IQSEC3: variants seen among roughly 807,000 people sequenced by gnomAD.
The protein encoded by IQSEC3 is IQ motif and Sec7 domain ArfGEF 3.
A neutral mutation model predicts 105.4 loss-of-function variants in IQSEC3; 50 were observed. The ratio of observed to expected loss-of-function variants is 0.47; its 90% CI spans 0.38 to 0.60. The LOEUF (loss-of-function observed/expected upper bound fraction) is 0.60, where lower values mean the gene tolerates loss of function less well. Among genes scored for constraint, IQSEC3 ranks in the 20% least tolerant of loss-of-function variants. The pLI is 0.00. For missense variants in IQSEC3, 1,415 were observed against 1,630.0 expected (o/e 0.87, Z 2.27); for synonymous variants, 708 against 746.0 (o/e 0.95, Z 0.83).
intron 2 of IQSEC3, among the ~76,000 whole-genome samples, chr12:120,599 A>C (rs1565410195): frequency 6.6e-6 from 1 of 152,218 alleles, no homozygotes; most frequent in Non-Finnish European, 1.5e-5. Flanking sequence ...ACCTCTAAGC[A>C]TAAGCCAGCT....
At chr12:112,084 GT>G (rs1203521244) in intron 2 of IQSEC3, among the ~76,000 whole-genome samples, 2 of 152,128 alleles carry the variant, frequency 1.3e-5, no homozygotes, top group East Asian at 1.9e-4. Flanking sequence ...GCTGTAGGTG[GT>G]TTTTTAGGGT....
chr12:113,635 G>A (rs782374359), intron 2 of IQSEC3, among the ~76,000 whole-genome samples: 2 of 152,186 alleles, frequency 1.3e-5, no homozygotes, highest in African/African-American at 2.4e-5. Flanking sequence ...CTCAGGAATC[G>A]AGGGAACTGA....
chr12:113,006 G>A (rs569922142), intron 2 of IQSEC3, among the ~76,000 whole-genome samples: 4 of 152,044 alleles, frequency 2.6e-5, no homozygotes, highest in African/African-American at 7.2e-5. Flanking sequence ...GCAGAGGATC[G>A]CCTCTCATTG....
In IQSEC3 at chr12:67,285, C is replaced by T. The variant is rs201674330; in HGVS notation, c.403C>T (p.Pro135Ser). The T allele has an allele frequency of 7.1e-5, 113 of 1,597,880 alleles. No individual in the cohort carries two copies. The Middle Eastern group carries it at 1.3e-3, about 18-fold the overall frequency. ...GGGCCCTGGCAGCAGGGCTCACACA[C>T]CCCAGTCGCCCCACAAGCATCTGGG... ...QRGPGSRAHT[P>S]QSPHKHLGTQ... is the part of the protein sequence containing the mutation. The change falls in exon 1 of 14, where the codon CCC becomes TCC. Residue 135 changes from proline to serine, a missense_variant. By Grantham distance (74) the Pro-to-Ser change is moderately conservative. Around this residue, in one of 6 missense-constraint regions of IQSEC3, gnomAD observed 26 missense variants for 108.1 expected, o/e 0.24. Transcript: ENST00000538872.
intron 5 of IQSEC3, among the ~76,000 whole-genome samples, chr12:153,952 G>A (rs1866595193): frequency 6.6e-6 from 1 of 152,156 alleles, no homozygotes; most frequent in African/African-American, 2.4e-5. Flanking sequence ...CTGGGTCTGG[G>A]GTGGGGTCCA....
chr12:175,083 C>CCCCCAG lies in IQSEC3; in HGVS notation c.*50_*51insCCCCAG. 1 of 1,384,564 alleles carries CCCCCAG rather than the reference C, an allele frequency of 7.2e-7. No individual in the cohort carries two copies. The highest frequency in any genetic ancestry group is 9.6e-7 in the Non-Finnish European group (1 of 1,042,606). 85.8% of individuals were successfully genotyped at this position (1,384,564 alleles called of 1,614,324 possible). A position where few individuals can be genotyped will look rare whatever the true frequency, so the allele number is the denominator to read the frequency against. ...CTGGGAGGGCTGGCCACTGGGGGGC[C>CCCCCAG]TGGGCTGCCCCTCCACTGCTCCCCA... On this transcript the variant is annotated 3_prime_UTR_variant, in exon 14 of 14. Coordinates refer to ENST00000538872, the MANE Select transcript of IQSEC3 (RefSeq NM_001170738.2).
At chr12:75,943 G>C (rs1171016930) in intron 1 of IQSEC3, among the ~76,000 whole-genome samples, 1 of 152,228 alleles carries the variant, frequency 6.6e-6, no homozygotes, top group Non-Finnish European at 1.5e-5. Context: ...GTGAGGAGAA[G>C]ACTGCCCCCG....
At chr12:83,240 A>G (rs532873054) in intron 1 of IQSEC3, among the ~76,000 whole-genome samples, 5 of 152,302 alleles carry the variant, frequency 3.3e-5, no homozygotes, top group African/African-American at 1.2e-4. Context: ...ATATGTATAC[A>G]TTCATTTCAC....
At position 149,577 on chromosome 12, in the gene IQSEC3, G is replaced by T. The variant is rs182715832; in HGVS notation, c.2154-7448G>T. On this transcript the variant is annotated intron_variant, in intron 5 of 13. Coordinates refer to ENST00000538872, the MANE Select transcript of IQSEC3 (RefSeq NM_001170738.2). The stretch of plus-strand genomic sequence containing the variant: ...CATTCATCCCACAAAACAGTGATTG[G>T]GTGCCCATACACCAGGGAGGCAGAG... 5.3e-5 allele frequency among the ~76,000 whole-genome samples: 8 copies of T among 152,268 alleles called. No homozygotes were observed. In the East Asian group the frequency reaches 1.4e-3, roughly 26 times the overall value.
chr12:161,717 T>C (rs1413596839), intron 7 of IQSEC3, among the ~76,000 whole-genome samples: 1 of 152,156 alleles, frequency 6.6e-6, no homozygotes, highest in Non-Finnish European at 1.5e-5. Flanking sequence ...GAGATGTGTG[T>C]TGGGGCCATA....
chr12:164,142 A>T (rs903259347), intron 9 of IQSEC3, among the ~76,000 whole-genome samples: 41 of 152,218 alleles, frequency 2.7e-4, no homozygotes, highest in African/African-American at 9.9e-4. Context: ...TGTGCCAGGC[A>T]TCATTGTAGG....
rs781908285 is a variant in IQSEC3 at position 169,021 on chromosome 12, G to A, written c.2980G>A (p.Glu994Lys). 1.9e-6 allele frequency: 3 copies of A among 1,614,058 alleles called. No homozygotes were observed. Among genetic ancestry groups the A allele is most frequent in the African/African-American group, 1.3e-5 (1 of 75,040 alleles). The change falls in exon 12 of 14, where the codon GAG (glutamate) becomes AAG (lysine). Residue 994 changes from glutamate to lysine, a missense_variant. Glu to Lys is a moderately conservative substitution (Grantham distance 56, BLOSUM62 1). Transcript: ENST00000538872. Reference sequence around the variant, plus strand: ...GCCTCTGCATTCCTTAGGGGAGCTGGAGAAGCAGCAGGGAACAAAGACACT... The same window carrying A: ...GCCTCTGCATTCCTTAGGGGAGCTGAAGAAGCAGCAGGGAACAAAGACACT... ...LEQIRIEWEL[E>K]KQQGTKTLSF... is the part of the protein sequence containing the mutation.
At chr12:163,304 CCCT>C (rs1380895383) in intron 8 of IQSEC3, among the ~76,000 whole-genome samples, 187 bp from the exon 9 acceptor site, 1 of 3,840 alleles carries the variant, frequency 2.6e-4, no homozygotes, top group Non-Finnish European at 1.5e-3. Context: ...CCCTCCCCTC[CCCT>C]CCCTCCACAG....
intron 1 of IQSEC3, among the ~76,000 whole-genome samples, chr12:87,270 C>A (rs1490472865): frequency 1.3e-5 from 2 of 152,072 alleles, no homozygotes; most frequent in African/African-American, 2.4e-5. Flanking sequence ...ATGCACGCCT[C>A]TCCATGGAGT....
In IQSEC3 at chr12:165,856, T is replaced by C; in HGVS notation, c.2937T>C (p.Ala979=). 1 of 1,614,050 alleles carries C rather than the reference T, an allele frequency of 6.2e-7. No individual in the cohort carries two copies. The highest frequency in any genetic ancestry group is 8.5e-7 in the Non-Finnish European group (1 of 1,180,002). Residue 979 remains alanine, a synonymous_variant, in exon 11 of 14, where the codon GCT becomes GCC. Transcript: ENST00000538872. ...KFVEDLKESI[A]EVTELEQIRI... Reference sequence around the variant, plus strand: ...TGGAGGACCTGAAGGAGTCCATTGCTGAGGTGACGGAGCTGGAGCAGATCC... The same window carrying C: ...TGGAGGACCTGAAGGAGTCCATTGCCGAGGTGACGGAGCTGGAGCAGATCC...
chr12:83,019 A>G (rs1863796842), intron 1 of IQSEC3, among the ~76,000 whole-genome samples: 1 of 152,260 alleles, frequency 6.6e-6, no homozygotes, highest in African/African-American at 2.4e-5. Flanking sequence ...CTGGAAAACC[A>G]TCAGGATATA....
At chr12:167,577 A>G (rs1360639371) in intron 11 of IQSEC3, 1 of 65,986 alleles carries the variant, frequency 1.5e-5, no homozygotes, top group Non-Finnish European at 3.8e-5. Context: ...GGAAGCCAGG[A>G]AAAAAAAAAA....
chr12:153,672 C>T (rs1437427017), intron 5 of IQSEC3, among the ~76,000 whole-genome samples: 1 of 152,192 alleles, frequency 6.6e-6, no homozygotes. Flanking sequence ...ACGGCAGGTG[C>T]ATAGCCAGGG....
Position 138,187 on chromosome 12 carries a change from G to T in IQSEC3, c.904-80G>T. Reference sequence around the variant, plus strand: ...TCCTGGGCCCCACCCGAGTGTGGCCGGGTGACTCCACCACTCCTCAGAAGG... The same window carrying T: ...TCCTGGGCCCCACCCGAGTGTGGCCTGGTGACTCCACCACTCCTCAGAAGG... On this transcript the variant is annotated intron_variant, in intron 3 of 13. Transcript: ENST00000538872. The surrounding 1 kb of genome is among the most constrained non-coding windows in gnomAD (Gnocchi z 7.1). 1 of 1,300,760 alleles carries T rather than the reference G, an allele frequency of 7.7e-7. No homozygotes were observed. The allele number at this position is 1,300,760 out of a possible 1,614,324, so 80.6% of individuals were successfully genotyped here. A position where few individuals can be genotyped will look rare whatever the true frequency, so the allele number is the denominator to read the frequency against.
Sources: gnomAD v4.1 joint callset for allele counts (sites outside exome capture counted in the v4.1 genomes callset) on GRCh38, gnomAD v4.1.1 for gene constraint, gnomAD v4.1.1 regional missense constraint, Gnocchi (gnomAD v3.1) non-coding constraint, MANE v1.5 for transcripts, NCBI Gene and HGNC (gene_info 2026-07-23, HGNC 2026-07-21) for gene names.